The following TRAPPC9 variants were observed in gnomAD, a reference collection of about 807,000 sequenced individuals.
TRAPPC9 encodes IKK2 binding protein.
Under a neutral mutation model 124.0 loss-of-function variants are expected in TRAPPC9, and 83 were observed. The observed-to-expected ratio is 0.67, with a 90% CI of 0.56 to 0.80. TRAPPC9 has a LOEUF of 0.80. Among genes scored for constraint, TRAPPC9 ranks in the 30% least tolerant of loss-of-function variants. The pLI, the probability that TRAPPC9 is intolerant of heterozygous loss-of-function variation, is 0.00. For missense variants in TRAPPC9, 1,302 were observed against 1,508.3 expected (o/e 0.86, Z 2.27); for synonymous variants, 638 against 617.5 (o/e 1.03, Z -0.49).
At chr8:140,410,351 C>T (rs1453017536) in intron 5 of TRAPPC9, among the ~76,000 whole-genome samples, 1 of 151,882 alleles carries the variant, frequency 6.6e-6, no homozygotes, top group Admixed American at 6.6e-5. Flanking sequence ...GCCTGGCCAA[C>T]ATGGTAAAAC....
intron 19 of TRAPPC9, among the ~76,000 whole-genome samples, chr8:139,963,739 C>T (rs1245942130): frequency 7.7e-6 from 1 of 130,306 alleles, no homozygotes; most frequent in African/African-American, 3.0e-5. Flanking sequence ...CCTCCGAGAA[C>T]CAGTTCTACC....
chr8:140,457,868 G>T, upstream of TRAPPC9: 1 of 1,083,836 alleles, frequency 9.2e-7, no homozygotes, highest in Non-Finnish European at 1.2e-6. Flanking sequence ...AAAAGAGGAA[G>T]GAGGAGCGAG....
At chr8:139,852,345 C>A (rs1827533667) in intron 21 of TRAPPC9, among the ~76,000 whole-genome samples, 1 of 152,230 alleles carries the variant, frequency 6.6e-6, no homozygotes, top group East Asian at 1.9e-4. Context: ...CTCCTTCACA[C>A]TCCAGAACAC....
intron 16 of TRAPPC9, among the ~76,000 whole-genome samples, chr8:140,247,969 T>A (rs1292177723): frequency 6.6e-6 from 1 of 152,212 alleles, no homozygotes; most frequent in African/African-American, 2.4e-5. Flanking sequence ...TCATTATGGG[T>A]TTTTGTAATT....
intron 19 of TRAPPC9, among the ~76,000 whole-genome samples, chr8:139,971,467 C>A (rs986883090): frequency 1.2e-4 from 19 of 152,160 alleles, no homozygotes; most frequent in Non-Finnish European, 2.6e-4. Flanking sequence ...GCCTCTTCCA[C>A]CAGAAAGCTG....
At chr8:140,349,251 GGCAC>G (rs1287852367) in intron 9 of TRAPPC9, among the ~76,000 whole-genome samples, 20 of 134,152 alleles carry the variant, frequency 1.5e-4, no homozygotes, top group Non-Finnish European at 2.5e-4. Flanking sequence ...ACGACGGAAG[GGCAC>G]AGAGGGGGGC....
At chr8:140,024,866 A>C (rs1290570492) in intron 17 of TRAPPC9, among the ~76,000 whole-genome samples, 1 of 152,190 alleles carries the variant, frequency 6.6e-6, no homozygotes, top group Non-Finnish European at 1.5e-5. Flanking sequence ...AGGTAGGGTC[A>C]CTTGGGCTGA....
chr8:140,361,907 G>C (rs1245088072), intron 8 of TRAPPC9, among the ~76,000 whole-genome samples: 2 of 152,124 alleles, frequency 1.3e-5, no homozygotes, highest in East Asian at 3.8e-4. Flanking sequence ...GCAAATAGCA[G>C]GGGCCCTTCC....
intron 16 of TRAPPC9, among the ~76,000 whole-genome samples, chr8:140,242,426 G>C (rs1163498419): frequency 6.6e-6 from 1 of 152,174 alleles, no homozygotes; most frequent in Admixed American, 6.5e-5. Flanking sequence ...CTCCAGCGGT[G>C]AGAGAACCAT....
intron 19 of TRAPPC9, among the ~76,000 whole-genome samples, chr8:139,958,187 G>A (rs1024219745): frequency 9.2e-5 from 14 of 152,206 alleles, no homozygotes; most frequent in African/African-American, 1.7e-4. Context: ...GAAAGTGGCC[G>A]CCTTGGCCCC....
chr8:140,047,238 C>A (rs1291962002), intron 17 of TRAPPC9, among the ~76,000 whole-genome samples: 1 of 152,230 alleles, frequency 6.6e-6, no homozygotes, highest in South Asian at 2.1e-4. Flanking sequence ...CACACGCGCA[C>A]GCACAAAACA....
In TRAPPC9 at chr8:139,730,882, G is replaced by A. The variant is rs554259530; in HGVS notation, c.*179C>T. On this transcript the variant is annotated 3_prime_UTR_variant, in exon 23 of 23. Coordinates refer to ENST00000438773, the MANE Select transcript of TRAPPC9 (RefSeq NM_001160372.4). ...GCATGGGGTGGGGCTGCCATGTCCG[G>A]GGCTTCTGCGTAGCCCAGCAAAGAT... is the stretch of plus-strand genomic sequence containing the variant. 7.3e-6 allele frequency: 5 copies of A among 682,554 alleles called. No individual in the cohort carries two copies. The African/African-American group carries it at 9.0e-5, about 12-fold the overall frequency. The allele number at this position is 682,554 out of a possible 1,614,324, so 42.3% of individuals were successfully genotyped here.
At chr8:139,790,577 C>G (rs550023543) in intron 21 of TRAPPC9, among the ~76,000 whole-genome samples, 8 of 152,312 alleles carry the variant, frequency 5.3e-5, no homozygotes, top group African/African-American at 1.9e-4. Context: ...CTTGGCGGAG[C>G]CTGGAGACAT....
chr8:139,758,538 TG>T (rs1213055421), intron 21 of TRAPPC9, among the ~76,000 whole-genome samples: 5 of 151,792 alleles, frequency 3.3e-5, no homozygotes, highest in African/African-American at 1.2e-4. Context: ...GGGCAGGGGA[TG>T]GGGATGCAGA....
At chr8:139,840,613 C>T (rs1312149137) in intron 21 of TRAPPC9, among the ~76,000 whole-genome samples, 1 of 152,232 alleles carries the variant, frequency 6.6e-6, no homozygotes, top group African/African-American at 2.4e-5. Context: ...GCCTTCAACA[C>T]ACCAACGGGG....
chr8:140,272,300 GTGGTGGTTGTGGTGGTTATAGTGGTGA>G (rs974318571), intron 15 of TRAPPC9, among the ~76,000 whole-genome samples: 4 of 149,456 alleles, frequency 2.7e-5, no homozygotes, highest in South Asian at 2.1e-4. Flanking sequence ...AGTTGTGACA[GTGGTGGTTGTGGTGGTTATAGTGGTGA>G]TGGTGGTTTT....
intron 21 of TRAPPC9, among the ~76,000 whole-genome samples, chr8:139,818,608 A>C (rs907255385): frequency 2.0e-5 from 3 of 152,138 alleles, no homozygotes; most frequent in Non-Finnish European, 4.4e-5. Context: ...ATAGTAACAC[A>C]GTCAGTGGTG....
intron 21 of TRAPPC9, among the ~76,000 whole-genome samples, chr8:139,829,954 A>G (rs530116579): frequency 3.3e-5 from 5 of 152,338 alleles, no homozygotes; most frequent in African/African-American, 9.6e-5. Context: ...AGGTCCTGGT[A>G]CCATAGAACT....
intron 21 of TRAPPC9, among the ~76,000 whole-genome samples, chr8:139,748,577 T>C (rs942998052): frequency 1.4e-5 from 2 of 147,760 alleles, no homozygotes; most frequent in Non-Finnish European, 2.9e-5. Flanking sequence ...GTGTCAGAGC[T>C]GGCATGGGGG....
Sources: gnomAD v4.1 joint callset for allele counts (sites outside exome capture counted in the v4.1 genomes callset) on GRCh38, gnomAD v4.1.1 for gene constraint, MANE v1.5 for transcripts, NCBI Gene and HGNC (gene_info 2026-07-23, HGNC 2026-07-21) for gene names.